Variants in GSTO1 observed in about 807,000 individuals in gnomAD.
GSTO1 encodes the protein glutathione S-transferase omega 1.
In GSTO1, 27 loss-of-function variants were observed where a neutral mutation model predicts 23.8. The observed-to-expected ratio is 1.13, with a 90% CI of 0.83 to 1.56. The LOEUF is 1.56. Ranked by LOEUF, GSTO1 falls within the 40% of genes most tolerant of loss-of-function variation. The pLI is 0.00. For synonymous variants in GSTO1, 105 were observed against 109.3 expected, an observed-to-expected ratio of 0.96 and a Z score of 0.25; for missense variants, 255 against 285.8, an observed-to-expected ratio of 0.89 and a Z score of 0.78.
intron 3 of GSTO1, 25 bp from the exon 4 acceptor site, chr10:104,262,952 TAA>T: frequency 2.0e-6 from 2 of 1,004,858 alleles, no homozygotes; most frequent in Non-Finnish European, 3.1e-6. Context: ...CATAAACTGA[TAA>T]ACTAAGAAAT....
At chr10:104,256,774 A>C (rs1200846781) in intron 2 of GSTO1, among the ~76,000 whole-genome samples, 1 of 150,486 alleles carries the variant, frequency 6.6e-6, no homozygotes, top group African/African-American at 2.5e-5. Flanking sequence ...GTTCTGACAT[A>C]CTTTTTTTTT....
At chr10:104,255,066 G>A in intron 1 of GSTO1, 97 bp from the exon 2 acceptor site, 2 of 1,436,910 alleles carry the variant, frequency 1.4e-6, no homozygotes, top group Non-Finnish European at 1.9e-6. Context: ...CCACCGGCGG[G>A]GAACGGGTCG....
intron 5 of GSTO1, 132 bp downstream of exon 5, chr10:104,266,322 T>C: frequency 1.7e-6 from 1 of 580,428 alleles, no homozygotes; most frequent in African/African-American, 1.9e-5. Flanking sequence ...CAGGGGAATC[T>C]TGGACTATCC....
intron 4 of GSTO1, among the ~76,000 whole-genome samples, chr10:104,264,419 T>C (rs1170609558): frequency 1.3e-5 from 2 of 152,178 alleles, no homozygotes; most frequent in African/African-American, 4.8e-5. Flanking sequence ...CTAAAATGCA[T>C]ATTATGCATT....
chr10:104,256,801 C>T (rs1334454476), intron 2 of GSTO1, among the ~76,000 whole-genome samples: 1 of 151,872 alleles, frequency 6.6e-6, no homozygotes, highest in Non-Finnish European at 1.5e-5. Flanking sequence ...TAACAAAAGC[C>T]CAGGATCTTT....
Position 104,259,801 on chromosome 10 carries a change from T to TTG in GSTO1, c.366+6_366+7dup. Reference sequence around the variant, plus strand: ...TGATCTTAGAGTTGTTTTCTAAGGTTTGTGCATAAGAAATTTCAGCTCCTA... The same window carrying TTG: ...TGATCTTAGAGTTGTTTTCTAAGGTTTGTGTGCATAAGAAATTTCAGCTCCTA... On this transcript the variant is annotated splice_donor_region_variant and intron_variant, in intron 3 of 5. Coordinates refer to ENST00000369713, the MANE Select transcript of GSTO1 (RefSeq NM_004832.3). The TTG allele has an allele frequency of 6.3e-7, 1 of 1,593,298 alleles. No homozygotes were observed. Among genetic ancestry groups the TTG allele is most frequent in the Non-Finnish European group, 8.6e-7 (1 of 1,162,422 alleles).
chr10:104,261,696 T>C (rs778061804), intron 3 of GSTO1, among the ~76,000 whole-genome samples: 3 of 152,148 alleles, frequency 2.0e-5, no homozygotes, highest in Non-Finnish European at 4.4e-5. Context: ...GAAATGTGGA[T>C]GAAAGGGCTG....
chr10:104,258,057 C>A (rs767300445), intron 2 of GSTO1, among the ~76,000 whole-genome samples: 5 of 152,068 alleles, frequency 3.3e-5, no homozygotes, highest in Non-Finnish European at 7.3e-5. Flanking sequence ...AATAAGTGAG[C>A]AAAGTAATTT....
chr10:104,262,101 C>T (rs1433509476), intron 3 of GSTO1, among the ~76,000 whole-genome samples: 2 of 152,218 alleles, frequency 1.3e-5, no homozygotes, highest in Non-Finnish European at 2.9e-5. Flanking sequence ...GGTGGGATAT[C>T]TGCTTAAGAT....
At chr10:104,264,896 T>G (rs1450985557) in intron 4 of GSTO1, among the ~76,000 whole-genome samples, 1 of 152,196 alleles carries the variant, frequency 6.6e-6, no homozygotes, top group Non-Finnish European at 1.5e-5. Context: ...CAAAAGATGC[T>G]GGCAACACAG....
intron 2 of GSTO1, 131 bp downstream of exon 2, chr10:104,255,402 C>A: frequency 3.2e-6 from 2 of 626,988 alleles, no homozygotes; most frequent in South Asian, 1.9e-5. Flanking sequence ...AAACTATTCT[C>A]GGCCCTTTGG....
At chr10:104,261,684 T>C (rs74154773) in intron 3 of GSTO1, among the ~76,000 whole-genome samples, 11,181 of 151,980 alleles carry the variant, frequency 0.074, 1,362 homozygotes, top group African/African-American at 0.25. Context: ...CAGACCCAGG[T>C]GGAAATGTGG....
chr10:104,261,152 G>C (rs1372863646), intron 3 of GSTO1, among the ~76,000 whole-genome samples: 1 of 152,178 alleles, frequency 6.6e-6, no homozygotes, highest in African/African-American at 2.4e-5. Context: ...GAACTGGATC[G>C]TGAAAGGACT....
rs780242946 is a variant in GSTO1, at chr10:104,263,021, G to C, written c.409G>C (p.Glu137Gln). The C allele has an allele frequency of 3.9e-6, 6 of 1,552,788 alleles. No homozygotes were observed. In the East Asian group the frequency reaches 1.3e-4, roughly 35 times the overall value. Residue 137 changes from glutamate to glutamine, a missense_variant, in exon 4 of 6, where the codon GAA (glutamate) becomes CAA (glutamine). Glu to Gln is a conservative substitution (Grantham distance 29). Coordinates refer to ENST00000369713, the MANE Select transcript of GSTO1 (RefSeq NM_004832.3). ...VGSFIRSQNK[E>Q]DYAGLKEEFR... is the part of the protein sequence containing the mutation. ...AAGCTTTATTAGAAGCCAAAATAAA[G>C]AAGACTATGCTGGCCTAAAAGAAGA...
intron 4 of GSTO1, among the ~76,000 whole-genome samples, chr10:104,265,731 T>G (rs7099492): frequency 0.074 from 11,236 of 152,306 alleles, 1,392 homozygotes; most frequent in African/African-American, 0.26. Context: ...ATCATCTTTC[T>G]TGAAGATCAA....
intron 4 of GSTO1, among the ~76,000 whole-genome samples, chr10:104,264,400 A>G (rs1447888721): frequency 6.6e-6 from 1 of 152,230 alleles, no homozygotes; most frequent in Admixed American, 6.5e-5. Context: ...GTAGGTAGAT[A>G]TAAGCAATCT....
Position 104,259,728 on chromosome 10 carries a change from G to A in GSTO1, c.296G>A (p.Gly99Glu), listed in dbSNP as rs758896615. 61 of 1,613,804 alleles carry A rather than the reference G, an allele frequency of 3.8e-5. No individual in the cohort carries two copies. Among genetic ancestry groups the A allele is most frequent in the Non-Finnish European group, 8.5e-7 (1 of 1,179,824 alleles). ...TCEYLDEAYP[G>E]KKLLPDDPYE... ...GAGTACCTGGATGAAGCATACCCAGGGAAGAAGCTGTTGCCGGATGACCCC... is the reference window on the plus strand; with the variant it reads ...GAGTACCTGGATGAAGCATACCCAGAGAAGAAGCTGTTGCCGGATGACCCC... The change falls in exon 3 of 6, where the codon GGG becomes GAG. Residue 99 changes from glycine (G) to glutamate (E), a missense_variant. Coordinates refer to ENST00000369713, the MANE Select transcript of GSTO1 (RefSeq NM_004832.3).
intron 2 of GSTO1, among the ~76,000 whole-genome samples, chr10:104,256,719 G>A (rs796065781): frequency 3.3e-5 from 5 of 152,120 alleles, no homozygotes; most frequent in African/African-American, 1.2e-4. Context: ...TGGCAGGTGT[G>A]TAGACTTGTT....
intron 5 of GSTO1, among the ~76,000 whole-genome samples, chr10:104,266,507 C>T (rs1447109682): frequency 6.6e-6 from 1 of 152,170 alleles, no homozygotes; most frequent in East Asian, 1.9e-4. Flanking sequence ...GAGGCCGAGA[C>T]GGGTGGATCA....
Sources: allele counts gnomAD v4.1 joint callset (sites outside exome capture counted in the v4.1 genomes callset), GRCh38; gene constraint gnomAD v4.1.1; transcripts MANE v1.5; gene names NCBI Gene and HGNC (gene_info 2026-07-23, HGNC 2026-07-21).